Variants in DSCAML1 observed in about 807,000 individuals in gnomAD.
DSCAML1 encodes the protein cell adhesion molecule DSCAML1.
In DSCAML1, 38 loss-of-function variants were observed where a neutral mutation model predicts 200.5. That is an observed-to-expected ratio of 0.19 (90% CI 0.15 to 0.25). The LOEUF (loss-of-function observed/expected upper bound fraction) is 0.25, where lower values mean the gene tolerates loss of function less well. Among genes scored for constraint, DSCAML1 ranks in the 10% least tolerant of loss-of-function variants. The pLI is 1.00. For synonymous variants in DSCAML1, 1,215 were observed against 1,165.0 expected, an observed-to-expected ratio of 1.04 and a Z score of -0.87; for missense variants, 2,223 against 2,858.8, an observed-to-expected ratio of 0.78 and a Z score of 5.07.
At chr11:117,513,735 T>C (rs56074246) in intron 8 of DSCAML1, among the ~76,000 whole-genome samples, 49,629 of 137,474 alleles carry the variant, frequency 0.36, 8,970 homozygotes, top group African/African-American at 0.45. Flanking sequence ...AGCAAGACTC[T>C]ATCTCAAAAA....
At chr11:117,432,771 CTA>C (rs1378511720) in intron 29 of DSCAML1, among the ~76,000 whole-genome samples, 1 of 128,346 alleles carries the variant, frequency 7.8e-6, no homozygotes, top group Non-Finnish European at 1.5e-5. Flanking sequence ...TCATGCCTGG[CTA>C]TTTTTTTTTT....
intron 3 of DSCAML1, among the ~76,000 whole-genome samples, chr11:117,646,594 T>C (rs2052526635): frequency 6.6e-6 from 1 of 152,228 alleles, no homozygotes; most frequent in Non-Finnish European, 1.5e-5. Flanking sequence ...TTAATGAGTG[T>C]GTGGGAGTCC....
At chr11:117,581,867 T>C (rs989393941) in intron 3 of DSCAML1, among the ~76,000 whole-genome samples, 1 of 152,204 alleles carries the variant, frequency 6.6e-6, no homozygotes, top group Non-Finnish European at 1.5e-5. Context: ...CTCAATTGTT[T>C]ACACAGATTC....
chr11:117,633,765 A>G (rs1033216374), intron 3 of DSCAML1, among the ~76,000 whole-genome samples: 1 of 152,228 alleles, frequency 6.6e-6, no homozygotes, highest in Non-Finnish European at 1.5e-5. Flanking sequence ...CACGGCAGGC[A>G]GAATGTCATC....
At chr11:117,584,741 G>C (rs759588858) in intron 3 of DSCAML1, among the ~76,000 whole-genome samples, 14 of 152,210 alleles carry the variant, frequency 9.2e-5, no homozygotes, top group Non-Finnish European at 1.8e-4. Flanking sequence ...GAACGGCTGT[G>C]AACGTTGCTT....
At chr11:117,640,548 G>C (rs1358790325) in intron 3 of DSCAML1, among the ~76,000 whole-genome samples, 3 of 152,180 alleles carry the variant, frequency 2.0e-5, no homozygotes, top group Non-Finnish European at 1.5e-5. Flanking sequence ...CCAAAAACTT[G>C]AACATCATCC....
intron 3 of DSCAML1, among the ~76,000 whole-genome samples, chr11:117,672,558 T>G (rs1382296044): frequency 6.6e-6 from 1 of 152,186 alleles, no homozygotes; most frequent in African/African-American, 2.4e-5. Context: ...CACGAAACAG[T>G]TCCCAGCGAC....
intron 3 of DSCAML1, among the ~76,000 whole-genome samples, chr11:117,622,906 C>T (rs2051963825): frequency 6.6e-6 from 1 of 152,168 alleles, no homozygotes; most frequent in Admixed American, 6.5e-5. Context: ...TGAGTCCATA[C>T]TATGTATTAA....
At position 117,437,752 on chromosome 11, in the gene DSCAML1, G is replaced by C; in HGVS notation, c.4432+143C>G. The C allele has an allele frequency of 5.3e-6, 5 of 950,938 alleles. No individual in the cohort carries two copies. The South Asian group carries it at 8.8e-5, about 17-fold the overall frequency. The allele number at this position is 950,938 out of a possible 1,614,324, so 58.9% of individuals were successfully genotyped here. ...GGGACACTGTGGTGACGGGAAGGAG[G>C]CTGAGGCTCCTCCCTTCAGTCTCCC... On this transcript the variant is annotated intron_variant, in intron 25 of 32. Transcript: ENST00000651296. This position sits in a 1 kb window ranked among gnomAD's most constrained non-coding sequence, Gnocchi z 5.3.
intron 14 of DSCAML1, among the ~76,000 whole-genome samples, chr11:117,472,679 T>C (rs2048709365): frequency 6.6e-6 from 1 of 152,162 alleles, no homozygotes; most frequent in African/African-American, 2.4e-5. Flanking sequence ...ATGTTCACGA[T>C]TTATCCAGGG....
chr11:117,652,771 CA>C (rs2052660535), intron 3 of DSCAML1, among the ~76,000 whole-genome samples: 1 of 152,188 alleles, frequency 6.6e-6, no homozygotes, highest in Non-Finnish European at 1.5e-5. Flanking sequence ...CTGTGGGAGG[CA>C]AGGTGTCTCC....
At chr11:117,711,873 C>CA (rs1371401909) in intron 3 of DSCAML1, among the ~76,000 whole-genome samples, 1 of 152,144 alleles carries the variant, frequency 6.6e-6, no homozygotes, top group Admixed American at 6.5e-5. Context: ...ATTTGCATTA[C>CA]AAAAAAATTA....
At chr11:117,460,877 T>C (rs919597983) in intron 18 of DSCAML1, among the ~76,000 whole-genome samples, 4 of 152,130 alleles carry the variant, frequency 2.6e-5, no homozygotes, top group African/African-American at 7.2e-5. Context: ...AGGCTCTCCC[T>C]GGGTTCTGGT....
chr11:117,428,554 G>GA lies in DSCAML1; in HGVS notation c.5935_5936insT (p.Pro1979LeufsTer16). Reference sequence around the variant, plus strand: ...GGCTGGGGGGGCTGTGCCGGCTGGGGGGGCTGGCATGGCCAGAGTCCTCTG... The same window carrying GA: ...GGCTGGGGGGGCTGTGCCGGCTGGGGAGGGCTGGCATGGCCAGAGTCCTCTG... On this transcript the variant is annotated frameshift_variant, in exon 33 of 33. Coordinates refer to ENST00000651296, the MANE Select transcript of DSCAML1 (RefSeq NM_020693.4). LOFTEE classifies it high-confidence loss of function. 6.5e-7 allele frequency: 1 copy of GA among 1,547,920 alleles called. No homozygotes were observed. The highest frequency in any genetic ancestry group is 8.7e-7 in the Non-Finnish European group (1 of 1,143,314).
rs1009963568 is a variant in DSCAML1 at position 117,498,882 on chromosome 11, C to A, written c.2359+4963G>T. Among the ~76,000 whole-genome samples, 7 of 152,146 alleles carry A rather than the reference C, an allele frequency of 4.6e-5. No individual in the cohort carries two copies. Among genetic ancestry groups the A allele is most frequent in the African/African-American group, 1.7e-4 (7 of 41,458 alleles). On this transcript the variant is annotated intron_variant, in intron 11 of 32. Coordinates refer to ENST00000651296, the MANE Select transcript of DSCAML1 (RefSeq NM_020693.4). This position sits in a 1 kb window ranked among gnomAD's most constrained non-coding sequence, Gnocchi z 4.0. ...ATCAAAACTCAGACCAAACAAAGAGCCCTTATGGGTTTAATTGGCCATGGG... is the reference window on the plus strand; with the variant it reads ...ATCAAAACTCAGACCAAACAAAGAGACCTTATGGGTTTAATTGGCCATGGG...
intron 3 of DSCAML1, among the ~76,000 whole-genome samples, chr11:117,708,437 T>C (rs2053789680): frequency 6.6e-6 from 1 of 152,242 alleles, no homozygotes; most frequent in Non-Finnish European, 1.5e-5. Flanking sequence ...AATTAAATTG[T>C]TTGACTTTGG....
At chr11:117,666,793 AG>A (rs1167846208) in intron 3 of DSCAML1, among the ~76,000 whole-genome samples, 2 of 152,216 alleles carry the variant, frequency 1.3e-5, no homozygotes, top group Non-Finnish European at 2.9e-5. Context: ...TCTTCTGTAA[AG>A]TGGTGATTTC....
chr11:117,613,440 C>T (rs2051738891), intron 3 of DSCAML1, among the ~76,000 whole-genome samples: 2 of 152,104 alleles, frequency 1.3e-5, no homozygotes, highest in Non-Finnish European at 2.9e-5. Flanking sequence ...ATAGGGTGCG[C>T]TCTCCTCTTC....
chr11:117,576,293 C>T (rs975910661), intron 3 of DSCAML1, among the ~76,000 whole-genome samples: 2 of 152,068 alleles, frequency 1.3e-5, no homozygotes, highest in Admixed American at 6.5e-5. Context: ...GGGTTTTTGT[C>T]CAGCGAGGAG....
Sources: gnomAD v4.1 joint callset for allele counts (sites outside exome capture counted in the v4.1 genomes callset) on GRCh38, gnomAD v4.1.1 for gene constraint, Gnocchi (gnomAD v3.1) non-coding constraint, MANE v1.5 for transcripts, NCBI Gene and HGNC (gene_info 2026-07-23, HGNC 2026-07-21) for gene names.